Variants in ZXDC observed in about 807,000 individuals in gnomAD.
The protein encoded by ZXDC is zinc finger protein ZXDC.
Under a neutral mutation model 63.6 loss-of-function variants are expected in ZXDC, and 58 were observed. That is an observed-to-expected ratio of 0.91 (90% confidence interval 0.74 to 1.13). The LOEUF is 1.13. ZXDC is among the 50% of genes most tolerant of loss of function. The pLI, the probability that ZXDC is intolerant of heterozygous loss-of-function variation, is 0.00. For synonymous variants in ZXDC, 561 were observed against 496.1 expected (o/e 1.13, Z -1.74); for missense variants, 1,133 against 1,148.9 (o/e 0.99, Z 0.20).
At chr3:126,455,043 T>C (rs1453653626) in intron 7 of ZXDC, 1 of 985,352 alleles carries the variant, frequency 1.0e-6, no homozygotes, top group African/African-American at 1.7e-5. Flanking sequence ...TGTTTCTAAA[T>C]GACCCGATTC....
chr3:126,440,680 A>C, intron 8 of ZXDC: 1 of 985,600 alleles, frequency 1.0e-6, no homozygotes, highest in Non-Finnish European at 1.2e-6. Flanking sequence ...CAGAAGCTGG[A>C]AACAAAGGAC....
chr3:126,446,113 C>T (rs1933873318), intron 7 of ZXDC, among the ~76,000 whole-genome samples: 1 of 152,146 alleles, frequency 6.6e-6, no homozygotes, highest in African/African-American at 2.4e-5. Context: ...ACCACAAACC[C>T]TTATAGAACA....
chr3:126,469,644 C>T (rs1341600453), intron 4 of ZXDC, among the ~76,000 whole-genome samples: 1 of 152,194 alleles, frequency 6.6e-6, no homozygotes, highest in African/African-American at 2.4e-5. Flanking sequence ...AAGCCTGCCA[C>T]TCCTGGCCCT....
At chr3:126,444,728 G>A (rs1488506109) in intron 7 of ZXDC, among the ~76,000 whole-genome samples, 3 of 152,174 alleles carry the variant, frequency 2.0e-5, no homozygotes, top group South Asian at 2.1e-4. Context: ...AAATGTGTAC[G>A]CCACGCTCTA....
At chr3:126,438,915 C>T (rs904681550) in intron 9 of ZXDC, among the ~76,000 whole-genome samples, 7 of 152,156 alleles carry the variant, frequency 4.6e-5, no homozygotes, top group Admixed American at 2.0e-4. Flanking sequence ...CATTTGACTC[C>T]GGGCTACGGT....
rs1935138434 is a variant in ZXDC at position 126,475,170 on chromosome 3, G to T, written c.696C>A (p.His232Gln). Residue 232 changes from histidine to glutamine, a missense_variant, in exon 1 of 10, where the codon CAC becomes CAA. His to Gln is a conservative substitution (Grantham distance 24). Coordinates refer to ENST00000389709, the MANE Select transcript of ZXDC (RefSeq NM_025112.5). ...GACAGCCGAAGGGCCGCAGCTTGTC[G>T]TGCGACTGCAGGTGCCGCTTGAGCT... The part of the protein sequence containing the change: ...SYKLKRHLQS[H>Q]DKLRPFGCPV... The T allele has an allele frequency of 6.2e-7, 1 of 1,601,974 alleles. No individual in the cohort carries two copies. Among genetic ancestry groups the T allele is most frequent in the South Asian group, 1.1e-5 (1 of 89,070 alleles).
In ZXDC at chr3:126,461,731, C is replaced by T. The variant is rs1934551853; in HGVS notation, c.1931G>A (p.Ser644Asn). 3 of 1,613,850 alleles carry T rather than the reference C, an allele frequency of 1.9e-6. No homozygotes were observed. Among genetic ancestry groups the T allele is most frequent in the Non-Finnish European group, 2.5e-6 (3 of 1,179,996 alleles). ...GACACTGGCATTTTCTCGGGGGGTG[C>T]TCGAAGAGGTCGGTGTGGTGATATG... ...AAHITTPTSS[S>N]TPRENASVPE... The change falls in exon 6 of 10, where the codon AGC becomes AAC. Residue 644 changes from serine (S) to asparagine (N), a missense_variant. Coordinates refer to ENST00000389709, the MANE Select transcript of ZXDC (RefSeq NM_025112.5).
intron 7 of ZXDC, chr3:126,451,003 G>T: frequency 2.6e-6 from 1 of 386,220 alleles, no homozygotes; most frequent in Non-Finnish European, 3.5e-6. Flanking sequence ...CATCACTCTA[G>T]CTCTCGTCCC....
Position 126,438,433 on chromosome 3 carries a change from G to A in ZXDC, c.2519C>T (p.Ala840Val). 1 of 1,613,916 alleles carries A rather than the reference G, an allele frequency of 6.2e-7. No individual in the cohort carries two copies. Among genetic ancestry groups the A allele is most frequent in the Non-Finnish European group, 8.5e-7 (1 of 1,179,908 alleles). ...TGGGAACTGGGTGGCCTCCGGTCCA[G>A]CAGGGCCTCCAGATGAGGGGAGCAC... is the stretch of plus-strand genomic sequence containing the variant. ...QEVLPSSGGP[A>V]GPEATQFPGS... Residue 840 changes from alanine (A) to valine (V), a missense_variant, in exon 10 of 10, where the codon GCT becomes GTT. Transcript: ENST00000389709.
In ZXDC at chr3:126,470,897, T is replaced by C; in HGVS notation, c.1268A>G (p.Glu423Gly). ...CAAAGCAATGTTTTAAAATCTACCT[T>C]CCACAGGACACTCGAACGGCTTTGT... ...LGTKPFECPVEGCCARFSARS... is the reference protein window; with the variant it reads ...LGTKPFECPVGGCCARFSARS... Residue 423 changes from glutamate to glycine, a missense_variant and splice_region_variant, in exon 4 of 10, where the codon GAA (glutamate) becomes GGA (glycine). Coordinates refer to ENST00000389709, the MANE Select transcript of ZXDC (RefSeq NM_025112.5). 6.2e-7 allele frequency: 1 copy of C among 1,614,130 alleles called. No homozygotes were observed. Among genetic ancestry groups the C allele is most frequent in the Non-Finnish European group, 8.5e-7 (1 of 1,179,978 alleles).
At position 126,472,213 on chromosome 3, in the gene ZXDC, C is replaced by T. The variant is rs756674150; in HGVS notation, c.1000G>A (p.Gly334Arg). 6.2e-7 allele frequency: 1 copy of T among 1,613,594 alleles called. No individual in the cohort carries two copies. Among genetic ancestry groups the T allele is most frequent in the Non-Finnish European group, 8.5e-7 (1 of 1,179,460 alleles). The change falls in exon 2 of 10, where the codon GGG (glycine) becomes AGG (arginine). Residue 334 changes from glycine (G) to arginine (R), a missense_variant. Physicochemically the swap from Gly to Arg is moderately radical, Grantham distance 125. Coordinates refer to ENST00000389709, the MANE Select transcript of ZXDC (RefSeq NM_025112.5). ...GCTTTATCATACTGCTTGCTGCACC[C>T]AGGAAAGGAGCAGGAAAAGAGCTCT... ...EQELFSCSFP[G>R]CSKQYDKACR...
Position 126,438,464 on chromosome 3 carries a change from G to A in ZXDC, c.2491-3C>T, listed in dbSNP as rs775283858. 1.2e-5 allele frequency: 20 copies of A among 1,612,700 alleles called. No homozygotes were observed. Among genetic ancestry groups the A allele is most frequent in the Non-Finnish European group, 1.7e-5 (20 of 1,179,294 alleles). ...CCTCCAGATGAGGGGAGCACCTCCT[G>A]CAAAACCAAGCATTGTCATGAAGAG... On this transcript the variant is annotated splice_region_variant and splice_polypyrimidine_tract_variant and intron_variant, in intron 9 of 9. Transcript: ENST00000389709.
Position 126,466,147 on chromosome 3 carries a change from G to T in ZXDC, c.1441+8C>A. On this transcript the variant is annotated splice_region_variant and intron_variant, in intron 5 of 9. Transcript: ENST00000389709. The stretch of plus-strand genomic sequence containing the variant: ...CAGCTCCCCATGGGGGCCGTGGAAA[G>T]TGCAGACCTTGGCGCCGGCTGTGCT... 1 of 1,611,498 alleles carries T rather than the reference G, an allele frequency of 6.2e-7. No individual in the cohort carries two copies.
intron 3 of ZXDC, among the ~76,000 whole-genome samples, chr3:126,471,347 A>G (rs911280425): frequency 5.3e-5 from 8 of 152,250 alleles, no homozygotes; most frequent in African/African-American, 2.4e-5. Context: ...AGAAACCCCA[A>G]TGATCAACAA....
At position 126,475,143 on chromosome 3, in the gene ZXDC, T is replaced by C. The variant is rs1194994100; in HGVS notation, c.723A>G (p.Pro241=). 14 of 1,609,046 alleles carry C rather than the reference T, an allele frequency of 8.7e-6. No homozygotes were observed. Among genetic ancestry groups the C allele is most frequent in the Non-Finnish European group, 1.2e-5 (14 of 1,177,786 alleles). The change falls in exon 1 of 10, where the codon CCA becomes CCG. Residue 241 remains proline (P), a synonymous_variant. Coordinates refer to ENST00000389709, the MANE Select transcript of ZXDC (RefSeq NM_025112.5). The part of the protein sequence containing the change: ...SHDKLRPFGC[P]VGGCGKKFTT... ...TGAACTTCTTGCCACAGCCGCCCACTGGACAGCCGAAGGGCCGCAGCTTGT... is the reference window on the plus strand; with the variant it reads ...TGAACTTCTTGCCACAGCCGCCCACCGGACAGCCGAAGGGCCGCAGCTTGT...
At chr3:126,441,282 A>G in intron 8 of ZXDC, 2 of 988,586 alleles carry the variant, frequency 2.0e-6, no homozygotes, top group Non-Finnish European at 2.4e-6. Context: ...AAATAGAAAA[A>G]CACTGAAAAG....
intron 7 of ZXDC, among the ~76,000 whole-genome samples, chr3:126,445,876 C>T (rs1471872936): frequency 6.6e-6 from 1 of 152,128 alleles, no homozygotes; most frequent in African/African-American, 2.4e-5. Flanking sequence ...TTTAAGATGG[C>T]TGAAAGTTAA....
chr3:126,464,279 A>G (rs932942380), intron 5 of ZXDC, among the ~76,000 whole-genome samples: 4 of 152,232 alleles, frequency 2.6e-5, no homozygotes, highest in African/African-American at 9.6e-5. Flanking sequence ...AGTCATGATC[A>G]CCACAGTTCA....
intron 7 of ZXDC, chr3:126,453,971 G>A (rs1934210045): frequency 3.2e-6 from 3 of 934,988 alleles, no homozygotes; most frequent in Non-Finnish European, 3.8e-6. Flanking sequence ...GCCTATACAT[G>A]TATATATATA....
Sources: gnomAD v4.1 joint callset for allele counts (sites outside exome capture counted in the v4.1 genomes callset) on GRCh38, gnomAD v4.1.1 for gene constraint, MANE v1.5 for transcripts, NCBI Gene and HGNC (gene_info 2026-07-23, HGNC 2026-07-21) for gene names.